The following TANK variants were observed in gnomAD, a reference collection of about 807,000 sequenced individuals.
The protein encoded by TANK is TRAF family member associated NFKB activator.
Under a neutral mutation model 43.6 loss-of-function variants are expected in TANK, and 15 were observed. That is an observed-to-expected ratio of 0.34 (90% CI 0.23 to 0.53). The LOEUF (loss-of-function observed/expected upper bound fraction) is 0.53. Ranked by LOEUF, TANK falls within the 20% of genes least tolerant of loss-of-function variation. The pLI, the probability that TANK is intolerant of heterozygous loss-of-function variation, is 0.94. For synonymous variants in TANK, 162 were observed against 178.2 expected, an observed-to-expected ratio of 0.91 and a Z score of 0.73; for missense variants, 417 against 498.6, an observed-to-expected ratio of 0.84 and a Z score of 1.56.
intron 1 of TANK, chr2:161,163,334 A>G (rs1001376236): frequency 3.3e-5 from 5 of 152,200 alleles, no homozygotes; most frequent in African/African-American, 9.6e-5. Flanking sequence ...AGTAAATACA[A>G]TTGAATGAAA....
intron 1 of TANK, among the ~76,000 whole-genome samples, chr2:161,175,485 C>T (rs778512382): frequency 1.3e-4 from 20 of 152,150 alleles, no homozygotes; most frequent in Non-Finnish European, 2.8e-4. Context: ...ATCTGAATCC[C>T]TTGCTGTTCC....
intron 4 of TANK, among the ~76,000 whole-genome samples, chr2:161,205,951 T>A (rs1686634598): frequency 6.6e-6 from 1 of 152,140 alleles, no homozygotes; most frequent in African/African-American, 2.4e-5. Context: ...TTAGGATACT[T>A]TATGTAGTTT....
At chr2:161,142,605 C>T (rs953249283) in intron 1 of TANK, among the ~76,000 whole-genome samples, 2 of 152,098 alleles carry the variant, frequency 1.3e-5, no homozygotes, top group Non-Finnish European at 2.9e-5. Flanking sequence ...TTGTTTTTGT[C>T]CCATTTGTCA....
chr2:161,202,599 C>A (rs1180243191), intron 2 of TANK, among the ~76,000 whole-genome samples: 1 of 151,988 alleles, frequency 6.6e-6, no homozygotes, highest in East Asian at 1.9e-4. Context: ...TATCTAGTAT[C>A]TACTGAAGAT....
rs754346095 is a variant in TANK, at chr2:161,204,827, A to G, written c.327+34A>G. The G allele has an allele frequency of 5.0e-6, 8 of 1,595,514 alleles. No individual in the cohort carries two copies. The African/African-American group carries it at 9.6e-5, about 19-fold the overall frequency. On this transcript the variant is annotated intron_variant, in intron 4 of 7. Coordinates refer to ENST00000392749, the MANE Select transcript of TANK (RefSeq NM_001199135.3). ...TGCTTCTGCAGAAAGCAGCATTTAA[A>G]TGCTGATGCGTGACATAGCTTCCTC...
At chr2:161,230,928 A>T in intron 6 of TANK, 43 bp from the exon 7 acceptor site, 1 of 1,466,174 alleles carries the variant, frequency 6.8e-7, no homozygotes, top group South Asian at 1.2e-5. Context: ...TTTTTTAATG[A>T]TTTGAATGCG....
chr2:161,137,212 T>A (rs1344937456), intron 1 of TANK: 3 of 985,300 alleles, frequency 3.0e-6, no homozygotes, highest in Non-Finnish European at 3.6e-6. Flanking sequence ...GTAGTTAACG[T>A]CATAGTTAGA....
chr2:161,159,216 CT>C (rs1467118377), upstream of TANK: 2 of 152,276 alleles, frequency 1.3e-5, no homozygotes, highest in East Asian at 3.9e-4. Flanking sequence ...GAGATGAAAA[CT>C]TATGTCCGCA....
At chr2:161,216,571 T>C (rs1295461536) in intron 4 of TANK, 1 of 188,340 alleles carries the variant, frequency 5.3e-6, no homozygotes, top group Non-Finnish European at 1.1e-5. Context: ...GTTTATTTTT[T>C]ACTAAGTTCT....
chr2:161,199,657 A>G (rs1667106887), intron 2 of TANK, among the ~76,000 whole-genome samples: 1 of 152,226 alleles, frequency 6.6e-6, no homozygotes, highest in African/African-American at 2.4e-5. Context: ...AATCCAGAGT[A>G]TGGGCAACCA....
chr2:161,161,717 T>C (rs1684447720), intron 1 of TANK: 1 of 330,802 alleles, frequency 3.0e-6, no homozygotes, highest in South Asian at 4.0e-5. Flanking sequence ...TGGTACTGCA[T>C]TGTGTAGATG....
rs1371903886 is a variant in TANK at position 161,170,076 on chromosome 2, CTT to C, written c.-49-9536_-49-9535del. 5.9e-5 allele frequency among the ~76,000 whole-genome samples: 9 copies of C among 152,222 alleles called. No homozygotes were observed. In the East Asian group the frequency reaches 1.7e-3, roughly 29 times the overall value. Reference sequence around the variant, plus strand: ...TTCTTATCCATGACTCTTTGTGCCTCTTTGAATTAAAGGCATGTCTTTGAGAT... The same window carrying C: ...TTCTTATCCATGACTCTTTGTGCCTCTGAATTAAAGGCATGTCTTTGAGAT... On this transcript the variant is annotated intron_variant, in intron 1 of 7. Transcript: ENST00000392749.
chr2:161,138,081 G>A, intron 1 of TANK: 1 of 373,294 alleles, frequency 2.7e-6, no homozygotes, highest in Non-Finnish European at 3.7e-6. Context: ...AGACAATGCT[G>A]CATCTCCTTG....
chr2:161,219,689 G>A, intron 4 of TANK: 1 of 422,854 alleles, frequency 2.4e-6, no homozygotes, highest in South Asian at 1.8e-5. Context: ...ATCTTTTTCT[G>A]TCTCAGCCCT....
Position 161,235,344 on chromosome 2 carries a change from C to G in TANK, c.1104C>G (p.Pro368=), listed in dbSNP as rs575293554. The stretch of plus-strand genomic sequence containing the variant: ...ATATTTTTGTTTGTTTCCTGCAGCC[C>G]ATTTGGAAGCCCTTTCCTAATCAAG... ...PGKAIRGPQQ[P]IWKPFPNQDS... Residue 368 remains proline (P), a splice_region_variant and synonymous_variant, in exon 8 of 8, where the codon CCC becomes CCG. Coordinates refer to ENST00000392749, the MANE Select transcript of TANK (RefSeq NM_001199135.3). 40 of 1,583,616 alleles carry G rather than the reference C, an allele frequency of 2.5e-5. 1 individual carries two copies. The South Asian group carries it at 4.5e-4, about 18-fold the overall frequency.
intron 1 of TANK, chr2:161,161,417 C>A: frequency 6.4e-7 from 1 of 1,550,790 alleles, no homozygotes; most frequent in Admixed American, 2.0e-5. Context: ...CGAGAGGTAG[C>A]AGAGAAGCAA....
chr2:161,137,048 G>C, exon 1 of TANK: 1 of 985,428 alleles, frequency 1.0e-6, no homozygotes, highest in Non-Finnish European at 1.2e-6. Context: ...AGGAAGACTT[G>C]TAACCTGGAG....
chr2:161,147,734 T>G (rs1683957020), intron 1 of TANK, among the ~76,000 whole-genome samples: 2 of 152,098 alleles, frequency 1.3e-5, no homozygotes. Flanking sequence ...GAGCCTCCAA[T>G]CGCTGCTCCT....
At chr2:161,137,276 C>T (rs1027129263) in intron 1 of TANK, 15 of 982,180 alleles carry the variant, frequency 1.5e-5, no homozygotes, top group Non-Finnish European at 1.8e-5. Context: ...ATAATCCTAG[C>T]ACTTTGGGAG....
Sources: gnomAD v4.1 joint callset for allele counts (sites outside exome capture counted in the v4.1 genomes callset) on GRCh38, gnomAD v4.1.1 for gene constraint, MANE v1.5 for transcripts, NCBI Gene and HGNC (gene_info 2026-07-23, HGNC 2026-07-21) for gene names.